ZNF608: variants seen among roughly 807,000 people sequenced by gnomAD.
ZNF608 encodes the protein renal carcinoma antigen NY-REN-36.
A neutral mutation model predicts 109.0 loss-of-function variants in ZNF608; 12 were observed. The observed-to-expected ratio is 0.11, with a 90% CI of 0.07 to 0.18. The LOEUF (loss-of-function observed/expected upper bound fraction) is 0.18, where lower values mean the gene tolerates loss of function less well. ZNF608 is among the 10% of genes least tolerant of loss of function. ZNF608 has a pLI of 1.00. For synonymous variants in ZNF608, 732 were observed against 717.4 expected (o/e 1.02, Z -0.33); for missense variants, 1,707 against 1,879.3 (o/e 0.91, Z 1.70).
rs142825022 is a variant in ZNF608 at position 124,740,788 on chromosome 5, C to G, written c.906+3296G>C. Among the ~76,000 whole-genome samples the G allele has an allele frequency of 2.6e-5, 4 of 152,260 alleles. No individual in the cohort carries two copies. In the East Asian group the frequency reaches 7.7e-4, roughly 29 times the overall value. On this transcript the variant is annotated intron_variant, in intron 2 of 9. Transcript: ENST00000513986. Reference sequence around the variant, plus strand: ...AGACACAACTATATGACCTCTTGTGCCTTTCACTTCTGTTTAAGTATCAGC... The same window carrying G: ...AGACACAACTATATGACCTCTTGTGGCTTTCACTTCTGTTTAAGTATCAGC...
At chr5:124,689,765 C>G (rs1324276072) in intron 3 of ZNF608, among the ~76,000 whole-genome samples, 5 of 152,212 alleles carry the variant, frequency 3.3e-5, no homozygotes, top group Admixed American at 3.3e-4. Flanking sequence ...TCATTCATTT[C>G]TGGTGGGAAT....
chr5:124,638,141 G>A (rs531008549), intron 9 of ZNF608, among the ~76,000 whole-genome samples: 89 of 152,132 alleles, frequency 5.9e-4, no homozygotes, highest in African/African-American at 2.1e-3. Context: ...GTAGAGAGGG[G>A]GTTTCTCCAT....
intron 2 of ZNF608, among the ~76,000 whole-genome samples, chr5:124,703,627 A>G (rs1580660306): frequency 6.6e-6 from 1 of 152,260 alleles, no homozygotes; most frequent in East Asian, 1.9e-4. Context: ...AAAATTAGCC[A>G]GGCATGGTGG....
chr5:124,671,760 C>T (rs1008793200), intron 3 of ZNF608, among the ~76,000 whole-genome samples: 4 of 151,802 alleles, frequency 2.6e-5, no homozygotes, highest in African/African-American at 4.8e-5. Flanking sequence ...CTCAGCCTCC[C>T]GAGTACCTGG....
At chr5:124,729,721 TTTG>T (rs1306649953) in intron 2 of ZNF608, among the ~76,000 whole-genome samples, 1 of 152,224 alleles carries the variant, frequency 6.6e-6, no homozygotes, top group Admixed American at 6.5e-5. Flanking sequence ...TTATTTCTTT[TTTG>T]TTGTTTACTT....
At chr5:124,655,372 G>C (rs185504791) in intron 3 of ZNF608, among the ~76,000 whole-genome samples, 4 of 152,110 alleles carry the variant, frequency 2.6e-5, no homozygotes, top group African/African-American at 9.7e-5. Context: ...CCTCATCCCC[G>C]GGACAGAAGT....
chr5:124,747,231 GGT>G, upstream of ZNF608, among the ~76,000 whole-genome samples: 3 of 150,090 alleles, frequency 2.0e-5, no homozygotes, highest in Non-Finnish European at 4.4e-5. Flanking sequence ...CGCAGCAAAC[GGT>G]GTGTCTCCCT....
chr5:124,653,984 C>T (rs574657282), intron 3 of ZNF608, among the ~76,000 whole-genome samples: 1 of 152,276 alleles, frequency 6.6e-6, no homozygotes, highest in African/African-American at 2.4e-5. Flanking sequence ...CACCAGCACT[C>T]CCCCAGGATT....
At chr5:124,711,364 T>C (rs1200848062) in intron 2 of ZNF608, among the ~76,000 whole-genome samples, 2 of 152,248 alleles carry the variant, frequency 1.3e-5, no homozygotes, top group African/African-American at 4.8e-5. Flanking sequence ...AATTTTGACA[T>C]GACCATATAC....
intron 3 of ZNF608, among the ~76,000 whole-genome samples, chr5:124,668,935 C>A (rs551332495): frequency 1.5e-4 from 23 of 152,224 alleles, no homozygotes; most frequent in African/African-American, 5.1e-4. Flanking sequence ...TCATTTAATC[C>A]TAAACTTCCT....
chr5:124,700,145 A>G (rs1163664052), intron 3 of ZNF608, among the ~76,000 whole-genome samples: 1 of 152,108 alleles, frequency 6.6e-6, no homozygotes, highest in Non-Finnish European at 1.5e-5. Flanking sequence ...AGCACCCTGG[A>G]GCATGCTTCT....
chr5:124,740,376 T>C (rs1749335694), intron 2 of ZNF608, among the ~76,000 whole-genome samples: 1 of 152,196 alleles, frequency 6.6e-6, no homozygotes. Flanking sequence ...AAACCTCTTA[T>C]GTAGCTTTCA....
chr5:124,685,422 A>C (rs1361272683), intron 3 of ZNF608, among the ~76,000 whole-genome samples: 4 of 152,220 alleles, frequency 2.6e-5, no homozygotes, highest in African/African-American at 9.6e-5. Context: ...GCTCCCTGAC[A>C]ATCCCCTAAT....
At chr5:124,732,799 T>C (rs1402414147) in intron 2 of ZNF608, among the ~76,000 whole-genome samples, 2 of 152,146 alleles carry the variant, frequency 1.3e-5, no homozygotes, top group Non-Finnish European at 2.9e-5. Flanking sequence ...TTCTACTTTT[T>C]ACTCCCTAGC....
At chr5:124,742,826 C>T (rs937937249) in intron 2 of ZNF608, among the ~76,000 whole-genome samples, 1 of 152,112 alleles carries the variant, frequency 6.6e-6, no homozygotes, top group African/African-American at 2.4e-5. Context: ...AAATAATTCT[C>T]CAAAGACATA....
chr5:124,713,121 G>A lies in ZNF608; in HGVS notation c.907-11852C>T, dbSNP rs558694299. Among the ~76,000 whole-genome samples the A allele has an allele frequency of 1.9e-4, 29 of 152,262 alleles. 1 individual carries two copies. In the East Asian group the frequency reaches 4.1e-3, roughly 21 times the overall value. Reference sequence around the variant, plus strand: ...GGCACATGCCCCTTAATCACCACTGGTCCCTGAACAGAGAGAAACTCTCTC... The same window carrying A: ...GGCACATGCCCCTTAATCACCACTGATCCCTGAACAGAGAGAAACTCTCTC... On this transcript the variant is annotated intron_variant, in intron 2 of 9. Coordinates refer to ENST00000513986, the MANE Select transcript of ZNF608 (RefSeq NM_020747.3).
At chr5:124,741,969 T>G (rs1749429386) in intron 2 of ZNF608, among the ~76,000 whole-genome samples, 1 of 152,170 alleles carries the variant, frequency 6.6e-6, no homozygotes, top group African/African-American at 2.4e-5. Context: ...TGGCTAAGAT[T>G]GGTGGCACAG....
chr5:124,712,983 G>A (rs1479902052), intron 2 of ZNF608, among the ~76,000 whole-genome samples: 1 of 152,058 alleles, frequency 6.6e-6, no homozygotes, highest in African/African-American at 2.4e-5. Context: ...AAGATAATGA[G>A]CCCTTCATTT....
Position 124,744,199 on chromosome 5 carries a change from C to G in ZNF608, c.791G>C (p.Gly264Ala). Residue 264 changes from glycine (G) to alanine (A), a missense_variant, in exon 2 of 10, where the codon GGG (glycine) becomes GCG (alanine). Physicochemically the swap from Gly to Ala is moderately conservative, Grantham distance 60 (BLOSUM62 0). Around this residue, in one of 7 missense-constraint regions of ZNF608, gnomAD observed 407 missense variants for 398.7 expected, o/e 1.02. Transcript: ENST00000513986. The surrounding 1 kb of genome is among the most constrained non-coding windows in gnomAD (Gnocchi z 4.5). ...ATCCGGGGCACTTTTGCTAACTTCC[C>G]CTGCAGCGGCGACGCTGCCACTCCC... Reference protein sequence around the residue: ...GTGSGSVAAAGEVSKSAPDSG... With the variant: ...GTGSGSVAAAAEVSKSAPDSG... 2 of 1,613,790 alleles carry G rather than the reference C, an allele frequency of 1.2e-6. No homozygotes were observed. Among genetic ancestry groups the G allele is most frequent in the South Asian group, 1.1e-5 (1 of 91,074 alleles).
Sources: allele counts gnomAD v4.1 joint callset (sites outside exome capture counted in the v4.1 genomes callset), GRCh38; gene constraint gnomAD v4.1.1; regional missense constraint gnomAD v4.1.1; non-coding constraint Gnocchi (gnomAD v3.1); transcripts MANE v1.5; gene names NCBI Gene and HGNC (gene_info 2026-07-23, HGNC 2026-07-21).